The following GPALPP1 variants were observed in gnomAD, a reference collection of about 807,000 sequenced individuals.
GPALPP1 encodes the protein GPALPP motifs containing 1.
In GPALPP1, 30 loss-of-function variants were observed where a neutral mutation model predicts 38.9. The observed-to-expected ratio is 0.77, with a 90% CI of 0.58 to 1.05. GPALPP1 has a LOEUF of 1.05. GPALPP1 is among the 50% of genes least tolerant of loss of function. GPALPP1 has a pLI of 0.00. For missense variants in GPALPP1, 384 were observed against 408.8 expected (o/e 0.94, Z 0.52); for synonymous variants, 120 against 139.2 (o/e 0.86, Z 0.97).
At chr13:45,007,978 G>A (rs1238213873) in intron 3 of GPALPP1, among the ~76,000 whole-genome samples, 2 of 152,138 alleles carry the variant, frequency 1.3e-5, no homozygotes, top group Non-Finnish European at 2.9e-5. Flanking sequence ...AGTGATGACA[G>A]TTGCCTCATT....
intron 7 of GPALPP1, among the ~76,000 whole-genome samples, chr13:45,027,241 C>T (rs1875897693): frequency 6.6e-6 from 1 of 152,012 alleles, no homozygotes; most frequent in Admixed American, 6.6e-5. Flanking sequence ...ATTGTTTTTG[C>T]TCAGACTTTG....
chr13:45,036,524 T>G (rs553493157), exon 8 of GPALPP1: 2 of 152,348 alleles, frequency 1.3e-5, no homozygotes, highest in Non-Finnish European at 2.9e-5. Flanking sequence ...AATGTTACTT[T>G]GAGGTCTTAG....
chr13:44,994,224 A>G (rs1873078862), intron 1 of GPALPP1, among the ~76,000 whole-genome samples: 1 of 151,174 alleles, frequency 6.6e-6, no homozygotes. Context: ...TCTCAAAAAA[A>G]AAAAAAAAAA....
At chr13:44,990,454 T>A (rs1018126162) in intron 1 of GPALPP1, 10 of 153,216 alleles carry the variant, frequency 6.5e-5, no homozygotes, top group African/African-American at 2.4e-4. Context: ...CTTTTTGCCC[T>A]CGGGTTTTTT....
Position 44,989,658 on chromosome 13 carries a change from G to GC in GPALPP1, c.5dup (p.Arg3LysfsTer36). 1 of 1,612,226 alleles carries GC rather than the reference G, an allele frequency of 6.2e-7. No homozygotes were observed. The highest frequency in any genetic ancestry group is 2.2e-5 in the East Asian group (1 of 44,872). On this transcript the variant is annotated frameshift_variant, in exon 1 of 8. Transcript: ENST00000379151. LOFTEE classifies it high-confidence loss of function. The stretch of plus-strand genomic sequence containing the variant: ...TGACCAGTGTCCGCCACCGCGGATG[G>GC]CAAGAGACCTGATCGGACCGGCCCT...
Position 45,028,038 on chromosome 13 carries a change from G to T in GPALPP1, c.*35G>T. 9.5e-7 allele frequency: 1 copy of T among 1,047,498 alleles called. No individual in the cohort carries two copies. The highest frequency in any genetic ancestry group is 1.4e-5 in the South Asian group (1 of 71,778). The allele number at this position is 1,047,498 out of a possible 1,614,324, so 64.9% of individuals were successfully genotyped here. On this transcript the variant is annotated 3_prime_UTR_variant, in exon 8 of 8. Transcript: ENST00000379151. ...TTTCAGTGAGGTATATTTTAATACT[G>T]ATCAATGTGAACTTTTCTAAATACT...
chr13:45,027,717 T>C (rs1875931201), intron 7 of GPALPP1, 68 bp from the exon 8 acceptor site: 1 of 741,950 alleles, frequency 1.3e-6, no homozygotes, highest in Non-Finnish European at 2.3e-6. Flanking sequence ...TTCCGTTTCA[T>C]GGTCATATTC....
Position 45,006,295 on chromosome 13 carries a change from T to C in GPALPP1, c.315T>C (p.Ser105=). The change falls in exon 3 of 8, where the codon TCT becomes TCC. Residue 105 remains serine (S), a synonymous_variant. Coordinates refer to ENST00000379151, the MANE Select transcript of GPALPP1 (RefSeq NM_018559.5). ...CTGGATTTAAAAAGCAGGATGATTC[T>C]CCTCCAAGGTGATAATGTGTAATAT... ...LPPGFKKQDD[S]PPRPIIGPAL... is the part of the protein sequence containing the mutation. 6.5e-7 allele frequency: 1 copy of C among 1,542,190 alleles called. No homozygotes were observed. The highest frequency in any genetic ancestry group is 9.0e-7 in the Non-Finnish European group (1 of 1,117,196).
chr13:45,013,541 C>T (rs966422782), intron 4 of GPALPP1, among the ~76,000 whole-genome samples: 1 of 152,186 alleles, frequency 6.6e-6, no homozygotes, highest in Non-Finnish European at 1.5e-5. Flanking sequence ...CATGTCCATA[C>T]AATAGTTACT....
intron 1 of GPALPP1, chr13:45,001,672 CA>C (rs985529762): frequency 1.3e-5 from 2 of 151,804 alleles, no homozygotes; most frequent in African/African-American, 4.8e-5. Flanking sequence ...TGTTGCAAAT[CA>C]AACCTTTTTT....
rs552632420 is a variant in GPALPP1 at position 45,005,686 on chromosome 13, T to C, written c.222-516T>C. On this transcript the variant is annotated intron_variant, in intron 2 of 7. Transcript: ENST00000379151. ...TACTGCTGTAAAGAAATAACCAATCTGTATTTTAGGCCAAAAATAAATTCC... is the reference window on the plus strand; with the variant it reads ...TACTGCTGTAAAGAAATAACCAATCCGTATTTTAGGCCAAAAATAAATTCC... 2.6e-5 allele frequency among the ~76,000 whole-genome samples: 4 copies of C among 152,322 alleles called. 1 individual carries two copies. The South Asian group carries it at 8.3e-4, about 32-fold the overall frequency.
downstream of GPALPP1, chr13:45,035,178 G>C (rs956294948): frequency 2.0e-5 from 3 of 152,466 alleles, no homozygotes; most frequent in Non-Finnish European, 4.4e-5. Flanking sequence ...GGATGGTCTC[G>C]ATCTCCTGAC....
At chr13:45,006,054 G>A (rs996142381) in intron 2 of GPALPP1, 148 bp from the exon 3 acceptor site, 33 of 529,234 alleles carry the variant, frequency 6.2e-5, no homozygotes, top group Admixed American at 1.7e-4. Flanking sequence ...AAGAACTATC[G>A]TAGTATCCAG....
At chr13:45,002,531 GC>G (rs1440146075) in intron 1 of GPALPP1, 1 of 152,210 alleles carries the variant, frequency 6.6e-6, no homozygotes, top group African/African-American at 2.4e-5. Flanking sequence ...TTGAGCACTT[GC>G]TATATGCCAA....
chr13:45,018,098 T>C (rs1241799690), intron 6 of GPALPP1, among the ~76,000 whole-genome samples: 2 of 152,132 alleles, frequency 1.3e-5, no homozygotes, highest in African/African-American at 4.8e-5. Context: ...CAATATGGCC[T>C]AAAAGAAGAT....
intron 4 of GPALPP1, among the ~76,000 whole-genome samples, chr13:45,013,516 G>A (rs1593396596): frequency 6.6e-6 from 1 of 152,322 alleles, no homozygotes; most frequent in East Asian, 1.9e-4. Context: ...TGACTACTTT[G>A]TAATATTTTG....
intron 1 of GPALPP1, among the ~76,000 whole-genome samples, chr13:44,999,413 G>A (rs953916843): frequency 1.5e-4 from 23 of 152,114 alleles, no homozygotes; most frequent in African/African-American, 5.6e-4. Flanking sequence ...ATGACGACAA[G>A]CATCACTGCT....
intron 6 of GPALPP1, among the ~76,000 whole-genome samples, chr13:45,016,469 A>C (rs2137993867): frequency 6.6e-6 from 1 of 152,278 alleles, no homozygotes; most frequent in Non-Finnish European, 1.5e-5. Context: ...AAAACAAAAA[A>C]ACAAAAATCT....
At chr13:45,024,960 CT>C (rs1367807244) in intron 7 of GPALPP1, among the ~76,000 whole-genome samples, 3 of 152,002 alleles carry the variant, frequency 2.0e-5, no homozygotes, top group Non-Finnish European at 4.4e-5. Context: ...TAGTGAAAGA[CT>C]TTTTTTCTAG....
Sources: gnomAD v4.1 joint callset for allele counts (sites outside exome capture counted in the v4.1 genomes callset) on GRCh38, gnomAD v4.1.1 for gene constraint, MANE v1.5 for transcripts, NCBI Gene and HGNC (gene_info 2026-07-23, HGNC 2026-07-21) for gene names.